Variants in DLGAP2 observed in about 807,000 individuals in gnomAD.
DLGAP2 encodes the protein DLG associated protein 2, also known as disks large-associated protein 2.
Under a neutral mutation model 100.3 loss-of-function variants are expected in DLGAP2, and 26 were observed. The observed-to-expected ratio is 0.26, with a 90% confidence interval of 0.19 to 0.36. The LOEUF is 0.36. Among genes scored for constraint, DLGAP2 ranks in the 10% least tolerant of loss-of-function variants. The pLI, the probability that DLGAP2 is intolerant of heterozygous loss-of-function variation, is 1.00. For synonymous variants in DLGAP2, 886 were observed against 630.1 expected, an observed-to-expected ratio of 1.41 and a Z score of -6.08; for missense variants, 1,858 against 1,453.2, an observed-to-expected ratio of 1.28 and a Z score of -4.53.
chr8:1,226,383 C>T (rs886320100), intron 2 of DLGAP2, among the ~76,000 whole-genome samples: 2 of 152,160 alleles, frequency 1.3e-5, no homozygotes, highest in South Asian at 2.1e-4. Flanking sequence ...GAAAACAAAA[C>T]ACTACATGTT....
chr8:860,372 C>T (rs17065371), intron 1 of DLGAP2, among the ~76,000 whole-genome samples: 5,469 of 152,286 alleles, frequency 0.036, 148 homozygotes, highest in Non-Finnish European at 0.047. Flanking sequence ...CTGTTTGCTG[C>T]GGCTGAGAAA....
chr8:860,529 C>T (rs533014531), intron 1 of DLGAP2, among the ~76,000 whole-genome samples: 21 of 152,326 alleles, frequency 1.4e-4, no homozygotes, highest in South Asian at 4.1e-4. Context: ...GGACGCCTCC[C>T]GGCAAACCGT....
rs1191327634 is a variant in DLGAP2 at position 1,609,757 on chromosome 8, A to G, written c.1443-16983A>G. Among the ~76,000 whole-genome samples the G allele has an allele frequency of 9.8e-5, 13 of 132,016 alleles. 1 individual carries two copies. Among genetic ancestry groups the G allele is most frequent in the Non-Finnish European group, 9.8e-5 (6 of 61,154 alleles). The allele number at this position is 132,016 out of a possible 152,430, so 86.6% of individuals were successfully genotyped here. On this transcript the variant is annotated intron_variant, in intron 6 of 14. Transcript: ENST00000637795. The stretch of plus-strand genomic sequence containing the variant: ...GCAATCCTAGTCTCTGATAAAACAG[A>G]CTTTAAACCAACAAAGATCAAAAGA...
At chr8:779,793 C>T (rs1424682371) in intron 1 of DLGAP2, among the ~76,000 whole-genome samples, 3 of 152,036 alleles carry the variant, frequency 2.0e-5, no homozygotes, top group African/African-American at 7.2e-5. Context: ...TTGCAGAGTT[C>T]ATTGCATAGT....
intron 2 of DLGAP2, among the ~76,000 whole-genome samples, chr8:969,454 T>C (rs1799961242): frequency 6.6e-6 from 1 of 151,896 alleles, no homozygotes; most frequent in Non-Finnish European, 1.5e-5. Context: ...TGCAGGTTTG[T>C]AGCCCAGCAA....
At chr8:988,669 CG>C (rs1332375943) in intron 2 of DLGAP2, among the ~76,000 whole-genome samples, 1 of 152,134 alleles carries the variant, frequency 6.6e-6, no homozygotes, top group African/African-American at 2.4e-5. Flanking sequence ...CGTGATTTGC[CG>C]TGGCTCTGAC....
intron 2 of DLGAP2, chr8:1,137,703 T>C (rs1796446833): frequency 6.6e-6 from 1 of 152,258 alleles, no homozygotes; most frequent in African/African-American, 2.4e-5. Context: ...TTGCTCTTTC[T>C]ACTATATAAA....
At chr8:988,546 G>C (rs762269761) in intron 2 of DLGAP2, among the ~76,000 whole-genome samples, 85 of 152,194 alleles carry the variant, frequency 5.6e-4, no homozygotes, top group Admixed American at 1.4e-3. Flanking sequence ...CTCGGCCTCT[G>C]TTCAGCCTTG....
At chr8:815,502 A>G (rs1470640985) in intron 1 of DLGAP2, among the ~76,000 whole-genome samples, 2 of 152,234 alleles carry the variant, frequency 1.3e-5, no homozygotes, top group Non-Finnish European at 2.9e-5. Context: ...TTTCAGATGG[A>G]TACGTTGTAT....
At chr8:1,337,545 G>C (rs559571455) in intron 3 of DLGAP2, among the ~76,000 whole-genome samples, 4 of 151,998 alleles carry the variant, frequency 2.6e-5, no homozygotes, top group Non-Finnish European at 5.9e-5. Flanking sequence ...TGATGATGAT[G>C]ATCATAATGG....
rs6997206 is a variant in DLGAP2, at chr8:1,373,903, T to C, written c.106+115020T>C. The C allele has an allele frequency of 5.1e-3, 781 of 152,500 alleles. 6 individuals are homozygous for C. The highest frequency in any genetic ancestry group is 0.017 in the African/African-American group (723 of 41,570). 9.4% of individuals were successfully genotyped at this position (152,500 alleles called of 1,614,324 possible). ...TACATGAAGCGCGGTACAAATGGAATGAGTGTAACGGGCATTCTCTGTTTG... is the reference window on the plus strand; with the variant it reads ...TACATGAAGCGCGGTACAAATGGAACGAGTGTAACGGGCATTCTCTGTTTG... On this transcript the variant is annotated intron_variant, in intron 3 of 14. Transcript: ENST00000637795.
chr8:1,021,129 A>G (rs1156618608), intron 2 of DLGAP2, among the ~76,000 whole-genome samples: 1 of 152,206 alleles, frequency 6.6e-6, no homozygotes, highest in African/African-American at 2.4e-5. Flanking sequence ...GATAATTAAT[A>G]TCAATTTGAG....
At chr8:1,542,958 G>C (rs1297819213) in intron 4 of DLGAP2, among the ~76,000 whole-genome samples, 1 of 152,176 alleles carries the variant, frequency 6.6e-6, no homozygotes, top group African/African-American at 2.4e-5. Context: ...TTCCCTACTG[G>C]TGAGTGATTC....
At chr8:1,514,737 C>T (rs191309621) in intron 4 of DLGAP2, among the ~76,000 whole-genome samples, 33 of 152,310 alleles carry the variant, frequency 2.2e-4, no homozygotes, top group Middle Eastern at 6.8e-3. Flanking sequence ...GATGGGCACA[C>T]GCTGCAGGTG....
intron 3 of DLGAP2, among the ~76,000 whole-genome samples, chr8:1,411,485 C>T (rs1796729708): frequency 6.6e-6 from 1 of 152,208 alleles, no homozygotes; most frequent in African/African-American, 2.4e-5. Flanking sequence ...ATCCTGCTTG[C>T]CTCCGGCTCC....
At chr8:1,233,327 A>G (rs1295755293) in intron 2 of DLGAP2, among the ~76,000 whole-genome samples, 1 of 152,214 alleles carries the variant, frequency 6.6e-6, no homozygotes, top group East Asian at 1.9e-4. Flanking sequence ...ATTTACAGAG[A>G]TGAGTCAGGC....
chr8:782,672 C>A (rs1821729692), intron 1 of DLGAP2, among the ~76,000 whole-genome samples: 1 of 152,174 alleles, frequency 6.6e-6, no homozygotes, highest in Non-Finnish European at 1.5e-5. Context: ...GGGCCCCCAC[C>A]CCTGAACACT....
At chr8:1,026,841 T>C (rs1195639489) in intron 2 of DLGAP2, among the ~76,000 whole-genome samples, 1 of 152,356 alleles carries the variant, frequency 6.6e-6, no homozygotes, top group South Asian at 2.1e-4. Flanking sequence ...TTATATGATA[T>C]TCTAACTGAC....
At chr8:1,575,764 T>C (rs1467227653) in intron 6 of DLGAP2, among the ~76,000 whole-genome samples, 88 of 151,566 alleles carry the variant, frequency 5.8e-4, no homozygotes, top group Non-Finnish European at 9.6e-4. Context: ...TGATGGTTTC[T>C]AGCTTCATCC....
Sources: gnomAD v4.1 joint callset for allele counts (sites outside exome capture counted in the v4.1 genomes callset) on GRCh38, gnomAD v4.1.1 for gene constraint, MANE v1.5 for transcripts, NCBI Gene and HGNC (gene_info 2026-07-23, HGNC 2026-07-21) for gene names.